Variants in C7 observed in about 807,000 individuals in gnomAD.
C7 encodes the protein complement C7, also known as complement component C7.
A neutral mutation model predicts 104.8 loss-of-function variants in C7; 83 were observed. That is an observed-to-expected ratio of 0.79 (90% confidence interval 0.66 to 0.95). The LOEUF (loss-of-function observed/expected upper bound fraction) is 0.95, where lower values mean the gene tolerates loss of function less well. Among genes scored for constraint, C7 ranks in the 40% least tolerant of loss-of-function variants. The pLI, the probability that C7 is intolerant of heterozygous loss-of-function variation, is 0.00. For synonymous variants in C7, 415 were observed against 360.6 expected, an observed-to-expected ratio of 1.15 and a Z score of -1.71; for missense variants, 1,070 against 1,011.2, an observed-to-expected ratio of 1.06 and a Z score of -0.79.
chr5:40,930,970 A>T (rs954035794), intron 2 of C7, 94 bp from the exon 3 acceptor site: 23 of 840,064 alleles, frequency 2.7e-5, no homozygotes, highest in Non-Finnish European at 4.3e-5. Flanking sequence ...ATTTGAGGCA[A>T]CATTTAACTA....
In C7 at chr5:40,972,447, C is replaced by T. The variant is rs748922981; in HGVS notation, c.1927C>T (p.His643Tyr). ...TGTACTGATGGATGGCATACAGAGT[C>T]ACCCCCAAAAACCTTTCTACACAGT... ...LPVLMDGIQS[H>Y]PQKPFYTVGE... Residue 643 changes from histidine (H) to tyrosine (Y), a missense_variant, in exon 15 of 18, where the codon CAC becomes TAC. Transcript: ENST00000313164. 4 of 1,613,862 alleles carry T rather than the reference C, an allele frequency of 2.5e-6. No individual in the cohort carries two copies. Among genetic ancestry groups the T allele is most frequent in the South Asian group, 2.2e-5 (2 of 91,068 alleles).
intron 16 of C7, 128 bp from the exon 17 acceptor site, chr5:40,979,595 CCT>C (rs1740894547): frequency 8.1e-6 from 5 of 619,172 alleles, no homozygotes; most frequent in South Asian, 2.7e-5. Context: ...TGAGTTTCCA[CCT>C]TTTTTTTTTT....
intron 15 of C7, among the ~76,000 whole-genome samples, chr5:40,976,383 G>A (rs1740820286): frequency 6.6e-6 from 1 of 152,060 alleles, no homozygotes. Flanking sequence ...ATGCTGCCTG[G>A]GCCAGTTTGT....
chr5:40,964,923 G>A, intron 14 of C7, 50 bp downstream of exon 14: 2 of 1,599,560 alleles, frequency 1.3e-6, no homozygotes, highest in Non-Finnish European at 1.7e-6. Context: ...TTACGTGGAA[G>A]AGAATGAATC....
chr5:40,964,779 G>C lies in C7; in HGVS notation c.1788G>C (p.Val596=). ...GTMFPVGKNV[V]YTCNEGYSLI... ...TGTTTCCTGTGGGGAAAAATGTAGTGTACACTTGCAATGAAGGATACTCTC... is the reference window on the plus strand; with the variant it reads ...TGTTTCCTGTGGGGAAAAATGTAGTCTACACTTGCAATGAAGGATACTCTC... Residue 596 remains valine (V), a synonymous_variant, in exon 14 of 18, where the codon GTG becomes GTC. Transcript: ENST00000313164. 1 of 1,613,088 alleles carries C rather than the reference G, an allele frequency of 6.2e-7. No homozygotes were observed.
chr5:40,959,226 A>C (rs1226319719), intron 11 of C7, among the ~76,000 whole-genome samples: 1 of 152,358 alleles, frequency 6.6e-6, no homozygotes, highest in East Asian at 1.9e-4. Context: ...TCAACAAATT[A>C]AGGATATTAT....
chr5:40,963,466 T>A (rs1740464321), intron 13 of C7, among the ~76,000 whole-genome samples: 1 of 152,154 alleles, frequency 6.6e-6, no homozygotes, highest in African/African-American at 2.4e-5. Context: ...TCCTCCCCAT[T>A]TCCCTCAAAC....
chr5:40,946,889 C>G (rs1246283768), intron 7 of C7, among the ~76,000 whole-genome samples: 1 of 151,764 alleles, frequency 6.6e-6, no homozygotes, highest in African/African-American at 2.4e-5. Flanking sequence ...GAAACCCTAC[C>G]TCTACTAAAA....
chr5:40,926,171 T>C lies in C7; in HGVS notation c.7-2409T>C, dbSNP rs186815153. ...AATGACAAAAACTATATGATCATCT[T>C]GTTAGATGCAGAAAAACATTTGACA... On this transcript the variant is annotated intron_variant, in intron 1 of 17. Transcript: ENST00000313164. Among the ~76,000 whole-genome samples the C allele has an allele frequency of 3.3e-3, 508 of 152,350 alleles. 1 individual carries two copies. Among genetic ancestry groups the C allele is most frequent in the African/African-American group, 0.012 (487 of 41,594 alleles).
At chr5:40,949,098 T>C (rs1442472436) in intron 8 of C7, among the ~76,000 whole-genome samples, 1 of 152,094 alleles carries the variant, frequency 6.6e-6, no homozygotes, top group East Asian at 1.9e-4. Flanking sequence ...TTCTTTTTAT[T>C]GCACTTAAAA....
chr5:40,938,909 G>T (rs1049573526), intron 6 of C7, among the ~76,000 whole-genome samples: 4 of 152,174 alleles, frequency 2.6e-5, no homozygotes, highest in African/African-American at 4.8e-5. Context: ...AGCAATAGCG[G>T]TTGGCATCTT....
intron 9 of C7, among the ~76,000 whole-genome samples, chr5:40,952,327 A>G (rs1460988183): frequency 6.6e-6 from 1 of 152,204 alleles, no homozygotes; most frequent in Non-Finnish European, 1.5e-5. Context: ...ATGCAAATGC[A>G]TAAAATTTGG....
At chr5:40,930,914 AT>A (rs1376249235) in intron 2 of C7, 149 bp from the exon 3 acceptor site, 18 of 656,188 alleles carry the variant, frequency 2.7e-5, no homozygotes, top group Admixed American at 5.6e-5. Context: ...GGCTCCCTCC[AT>A]TTTTATATAT....
chr5:40,979,158 G>T (rs964468529), intron 16 of C7, among the ~76,000 whole-genome samples: 1 of 151,948 alleles, frequency 6.6e-6, no homozygotes, highest in Non-Finnish European at 1.5e-5. Flanking sequence ...GGGATTACAG[G>T]CTCCCAAACT....
At chr5:40,976,012 G>T (rs1298809578) in intron 15 of C7, among the ~76,000 whole-genome samples, 2 of 152,206 alleles carry the variant, frequency 1.3e-5, no homozygotes, top group African/African-American at 4.8e-5. Flanking sequence ...GGGGATGGCA[G>T]TCACATTATG....
intron 12 of C7, 58 bp from the exon 13 acceptor site, chr5:40,962,027 A>C: frequency 1.1e-6 from 1 of 902,226 alleles, no homozygotes; most frequent in Non-Finnish European, 1.6e-6. Flanking sequence ...AACGTAATGC[A>C]AAATAATTAT....
chr5:40,974,548 T>A (rs1740773092), intron 15 of C7, among the ~76,000 whole-genome samples: 1 of 152,104 alleles, frequency 6.6e-6, no homozygotes, highest in Non-Finnish European at 1.5e-5. Context: ...CCTGAGTAGC[T>A]GGGACTACAG....
intron 14 of C7, among the ~76,000 whole-genome samples, chr5:40,969,868 A>C (rs1007878659): frequency 6.6e-6 from 1 of 151,904 alleles, no homozygotes; most frequent in African/African-American, 2.4e-5. Context: ...GAAATCTTGG[A>C]CTTTCAAACT....
At chr5:40,976,653 GA>G in intron 15 of C7, 96 bp from the exon 16 acceptor site, 1 of 711,684 alleles carries the variant, frequency 1.4e-6, no homozygotes, top group Non-Finnish European at 2.3e-6. Context: ...TGCAGTTGGA[GA>G]ATACTACAGA....
Sources: gnomAD v4.1 joint callset for allele counts (sites outside exome capture counted in the v4.1 genomes callset) on GRCh38, gnomAD v4.1.1 for gene constraint, MANE v1.5 for transcripts, NCBI Gene and HGNC (gene_info 2026-07-23, HGNC 2026-07-21) for gene names.